Variants in ITGA8 observed in about 807,000 individuals in gnomAD.
The protein encoded by ITGA8 is integrin alpha-8.
In ITGA8, 91 loss-of-function variants were observed where a neutral mutation model predicts 142.3. The observed-to-expected ratio is 0.64, with a 90% CI of 0.54 to 0.76. ITGA8 has a LOEUF of 0.76. ITGA8 is among the 30% of genes least tolerant of loss of function. The pLI is 0.00. For missense variants in ITGA8, 1,406 were observed against 1,327.7 expected (o/e 1.06, Z -0.92); for synonymous variants, 505 against 485.2 (o/e 1.04, Z -0.54).
intron 26 of ITGA8, among the ~76,000 whole-genome samples, chr10:15,551,959 G>A (rs1385014205): frequency 1.3e-5 from 2 of 151,942 alleles, no homozygotes; most frequent in East Asian, 3.9e-4. Context: ...ATATTCGGAA[G>A]TTTAAAATTA....
At chr10:15,643,014 A>G (rs7072090) in intron 13 of ITGA8, among the ~76,000 whole-genome samples, 104,825 of 152,086 alleles carry the variant, frequency 0.69, 37,259 homozygotes, top group South Asian at 0.86. Flanking sequence ...CATCTTAAAC[A>G]TAAAAGTGAA....
intron 13 of ITGA8, among the ~76,000 whole-genome samples, chr10:15,639,889 A>G (rs1400572235): frequency 6.6e-6 from 1 of 152,228 alleles, no homozygotes; most frequent in Non-Finnish European, 1.5e-5. Flanking sequence ...ATGATGAGAT[A>G]GATTTCAGAG....
At chr10:15,647,142 T>C (rs563896170) in intron 11 of ITGA8, 91 bp from the exon 12 acceptor site, 18 of 962,932 alleles carry the variant, frequency 1.9e-5, no homozygotes, top group African/African-American at 8.1e-5. Flanking sequence ...TAAATTTCCA[T>C]TGGTATTTTT....
At chr10:15,653,919 C>G (rs1834135952) in intron 11 of ITGA8, among the ~76,000 whole-genome samples, 1 of 151,360 alleles carries the variant, frequency 6.6e-6, no homozygotes, top group South Asian at 2.1e-4. Flanking sequence ...ACTGCAACCT[C>G]TGCCTCCTGG....
chr10:15,692,997 G>A (rs1427521126), intron 2 of ITGA8, among the ~76,000 whole-genome samples: 1 of 152,200 alleles, frequency 6.6e-6, no homozygotes, highest in Non-Finnish European at 1.5e-5. Flanking sequence ...GAACCTGGAA[G>A]TGGAGGTTGC....
At chr10:15,622,944 A>G (rs138530278) in intron 13 of ITGA8, among the ~76,000 whole-genome samples, 130 of 152,316 alleles carry the variant, frequency 8.5e-4, no homozygotes, top group Admixed American at 1.4e-3. Flanking sequence ...ATTGGAAAAG[A>G]TTAGTACTAG....
chr10:15,655,738 C>T (rs564214487), intron 10 of ITGA8, among the ~76,000 whole-genome samples: 111 of 152,134 alleles, frequency 7.3e-4, no homozygotes, highest in Non-Finnish European at 1.4e-3. Context: ...CCAAGTTCTG[C>T]AATCTTGAAT....
chr10:15,705,740 A>G (rs140872347), intron 2 of ITGA8, among the ~76,000 whole-genome samples: 35 of 152,334 alleles, frequency 2.3e-4, no homozygotes, highest in Non-Finnish European at 1.5e-4. Context: ...TCAGTCATCA[A>G]TAACCTTCAG....
intron 10 of ITGA8, among the ~76,000 whole-genome samples, chr10:15,657,509 CATTTTTT>C (rs1188979448): frequency 5.1e-5 from 6 of 116,526 alleles, no homozygotes; most frequent in South Asian, 2.9e-4. Flanking sequence ...TCTTTTCTTT[CATTTTTT>C]TTTTTTTTTT....
In ITGA8 at chr10:15,661,134, C is replaced by T. The variant is rs9333111; in HGVS notation, c.848-212G>A. 9.0e-3 allele frequency among the ~76,000 whole-genome samples: 1,370 copies of T among 152,282 alleles called. 17 individuals carry two copies. Among genetic ancestry groups the T allele is most frequent in the African/African-American group, 0.031 (1,295 of 41,540 alleles). ...CACACAGTAGGAGGTGAGCCTCAGG[C>T]GAGCCAGAACGAAGCTTCATCTGTA... On this transcript the variant is annotated intron_variant, in intron 8 of 29. Coordinates refer to ENST00000378076, the MANE Select transcript of ITGA8 (RefSeq NM_003638.3).
chr10:15,622,592 CAAAACAAAACAA>C (rs755660890), intron 13 of ITGA8, among the ~76,000 whole-genome samples: 3 of 21,800 alleles, frequency 1.4e-4, no homozygotes, highest in Non-Finnish European at 6.7e-4. Context: ...CAAAACAAAA[CAAAACAAAACAA>C]AAAAAAAACC....
At chr10:15,535,687 G>C (rs999039081) in intron 27 of ITGA8, among the ~76,000 whole-genome samples, 1 of 152,138 alleles carries the variant, frequency 6.6e-6, no homozygotes, top group Non-Finnish European at 1.5e-5. Flanking sequence ...TGTCAAAACA[G>C]ACCACTGGGC....
Position 15,672,711 on chromosome 10 carries a change from TTGCAATGATATC to T in ITGA8, c.703_714del (p.Asp235_Ala238del). Reference sequence around the variant, plus strand: ...CTGAGGATATCCTTGAATGAGTAATTTGCAATGATATCTGCAACACTGGCAGTGATCACTTGT... The same window carrying T: ...CTGAGGATATCCTTGAATGAGTAATTTGCAACACTGGCAGTGATCACTTGT... On this transcript the variant is annotated inframe_deletion, in exon 7 of 30. Coordinates refer to ENST00000378076, the MANE Select transcript of ITGA8 (RefSeq NM_003638.3). 1 of 1,613,586 alleles carries T rather than the reference TTGCAATGATATC, an allele frequency of 6.2e-7. No homozygotes were observed. Among genetic ancestry groups the T allele is most frequent in the Non-Finnish European group, 8.5e-7 (1 of 1,179,768 alleles).
intron 1 of ITGA8, 86 bp downstream of exon 1, chr10:15,719,477 C>CG (rs1336728841): frequency 4.7e-6 from 6 of 1,263,536 alleles, no homozygotes; most frequent in Non-Finnish European, 6.3e-6. Context: ...TCCCAGGCTG[C>CG]GGGGGGACTC....
intron 20 of ITGA8, among the ~76,000 whole-genome samples, chr10:15,597,936 A>C (rs1218238581): frequency 6.6e-6 from 1 of 152,176 alleles, no homozygotes; most frequent in African/African-American, 2.4e-5. Flanking sequence ...TATATACTGG[A>C]CAAATTCTCA....
intron 13 of ITGA8, among the ~76,000 whole-genome samples, chr10:15,628,478 G>A (rs568315222): frequency 1.3e-5 from 2 of 151,318 alleles, no homozygotes; most frequent in South Asian, 4.2e-4. Flanking sequence ...GACTACAGGC[G>A]CCCACCACCA....
chr10:15,679,942 G>A (rs371479060), intron 4 of ITGA8, among the ~76,000 whole-genome samples: 1 of 152,154 alleles, frequency 6.6e-6, no homozygotes, highest in Admixed American at 6.5e-5. Flanking sequence ...TAAGTAGAGG[G>A]AATCTCAATC....
chr10:15,701,324 T>A (rs554096711), intron 2 of ITGA8, among the ~76,000 whole-genome samples: 1 of 152,296 alleles, frequency 6.6e-6, no homozygotes, highest in East Asian at 1.9e-4. Flanking sequence ...ACCATGAGTA[T>A]TAGTACATCT....
intron 27 of ITGA8, among the ~76,000 whole-genome samples, chr10:15,538,613 A>G (rs1044867303): frequency 1.3e-5 from 2 of 151,890 alleles, no homozygotes; most frequent in Admixed American, 1.3e-4. Flanking sequence ...GCCAGTGAAC[A>G]TTGTGCACAT....
Sources: gnomAD v4.1 joint callset for allele counts (sites outside exome capture counted in the v4.1 genomes callset) on GRCh38, gnomAD v4.1.1 for gene constraint, MANE v1.5 for transcripts, NCBI Gene and HGNC (gene_info 2026-07-23, HGNC 2026-07-21) for gene names.